Variants in ZBTB16 observed in about 807,000 individuals in gnomAD.
ZBTB16 encodes zinc finger and BTB domain containing 16.
Under a neutral mutation model 56.8 loss-of-function variants are expected in ZBTB16, and 8 were observed. The observed-to-expected ratio is 0.14, with a 90% CI of 0.08 to 0.25. The LOEUF (loss-of-function observed/expected upper bound fraction) is 0.25. ZBTB16 is among the 10% of genes least tolerant of loss of function. The probability of loss-of-function intolerance (pLI) is 1.00; values close to 1 mark genes in which losing one functional copy is unlikely to be tolerated. For synonymous variants in ZBTB16, 363 were observed against 368.5 expected, an observed-to-expected ratio of 0.98 and a Z score of 0.17; for missense variants, 625 against 903.0, an observed-to-expected ratio of 0.69 and a Z score of 3.95.
intron 4 of ZBTB16, among the ~76,000 whole-genome samples, chr11:114,235,800 T>C (rs1944577502): frequency 6.6e-6 from 1 of 151,116 alleles, no homozygotes; most frequent in African/African-American, 2.4e-5. Flanking sequence ...CCTTTTTTTT[T>C]TTTTTGCTAA....
intron 3 of ZBTB16, among the ~76,000 whole-genome samples, chr11:114,182,912 G>A (rs929452412): frequency 1.3e-5 from 2 of 152,124 alleles, no homozygotes; most frequent in Non-Finnish European, 1.5e-5. Flanking sequence ...CTCTATTATC[G>A]ATCAAAGCTT....
chr11:114,215,608 C>T (rs999816284), intron 4 of ZBTB16, among the ~76,000 whole-genome samples: 8 of 152,158 alleles, frequency 5.3e-5, no homozygotes, highest in Non-Finnish European at 7.3e-5. Context: ...GCTTTACAGC[C>T]GCAGCAGCCG....
chr11:114,125,816 G>A (rs889512037), intron 2 of ZBTB16, among the ~76,000 whole-genome samples: 13 of 152,024 alleles, frequency 8.6e-5, no homozygotes, highest in East Asian at 5.8e-4. Context: ...GGTCTTTTAC[G>A]GTCCTACTTG....
At chr11:114,243,022 C>T (rs1157323527) in intron 5 of ZBTB16, among the ~76,000 whole-genome samples, 1 of 152,200 alleles carries the variant, frequency 6.6e-6, no homozygotes, top group Non-Finnish European at 1.5e-5. Context: ...CTGCCACCAG[C>T]CTCTAGGGCT....
intron 4 of ZBTB16, among the ~76,000 whole-genome samples, chr11:114,205,403 C>G (rs1032332498): frequency 3.5e-4 from 52 of 150,022 alleles, no homozygotes; most frequent in African/African-American, 1.3e-3. Context: ...GAGTGAGACT[C>G]CGTCTCAAAA....
chr11:114,223,832 A>G (rs1944283204), intron 4 of ZBTB16, among the ~76,000 whole-genome samples: 1 of 152,192 alleles, frequency 6.6e-6, no homozygotes, highest in Non-Finnish European at 1.5e-5. Context: ...AAGGATGAGA[A>G]GAAGTTAAGA....
chr11:114,089,204 T>C (rs1940085763), intron 2 of ZBTB16, among the ~76,000 whole-genome samples: 2 of 152,146 alleles, frequency 1.3e-5, no homozygotes, highest in Admixed American at 1.3e-4. Context: ...CTATGGATGA[T>C]GTCCTGTGAA....
At chr11:114,241,251 C>T (rs944286421) in intron 4 of ZBTB16, among the ~76,000 whole-genome samples, 1 of 151,132 alleles carries the variant, frequency 6.6e-6, no homozygotes, top group African/African-American at 2.4e-5. Context: ...AAAAACAAAA[C>T]AGGATCTGTA....
chr11:114,065,527 C>T (rs1939082278), intron 2 of ZBTB16, among the ~76,000 whole-genome samples: 1 of 152,190 alleles, frequency 6.6e-6, no homozygotes, highest in African/African-American at 2.4e-5. Flanking sequence ...GGTGATTCTC[C>T]TGCCTCAGCC....
chr11:114,176,712 G>A (rs1215605624), intron 3 of ZBTB16, among the ~76,000 whole-genome samples: 1 of 152,186 alleles, frequency 6.6e-6, no homozygotes, highest in Non-Finnish European at 1.5e-5. Flanking sequence ...CCTTAGAGAT[G>A]TCCCAGTTTA....
rs76042012 is a variant in ZBTB16 at position 114,134,969 on chromosome 11, A to G, written c.1269-21368A>G. On this transcript the variant is annotated intron_variant, in intron 2 of 6. Coordinates refer to ENST00000335953, the MANE Select transcript of ZBTB16 (RefSeq NM_006006.6). ...CCCTAGGATCAGATAAGCCACCAGTATTCACTGAGTCATTCAGACTCCAGA... is the reference window on the plus strand; with the variant it reads ...CCCTAGGATCAGATAAGCCACCAGTGTTCACTGAGTCATTCAGACTCCAGA... 3.2e-3 allele frequency among the ~76,000 whole-genome samples: 480 copies of G among 152,288 alleles called. 2 individuals are homozygous for G. The highest frequency in any genetic ancestry group is 0.011 in the African/African-American group (464 of 41,500).
intron 2 of ZBTB16, among the ~76,000 whole-genome samples, chr11:114,130,821 A>G (rs946995884): frequency 2.6e-5 from 4 of 152,262 alleles, no homozygotes; most frequent in Non-Finnish European, 4.4e-5. Context: ...ATGCGCATGT[A>G]AAGAAAATGA....
At chr11:114,178,373 T>C (rs772499046) in intron 3 of ZBTB16, among the ~76,000 whole-genome samples, 28 of 152,220 alleles carry the variant, frequency 1.8e-4, no homozygotes, top group Admixed American at 6.5e-4. Flanking sequence ...ATAAACACTC[T>C]GAGCCCAGTT....
intron 2 of ZBTB16, among the ~76,000 whole-genome samples, chr11:114,103,270 A>G (rs1318050067): frequency 6.6e-6 from 1 of 152,164 alleles, no homozygotes; most frequent in Non-Finnish European, 1.5e-5. Context: ...GTGACCTGGA[A>G]TTCAGAAGGT....
At chr11:114,139,631 G>GTGTGTGTC (rs1430172347) in intron 2 of ZBTB16, among the ~76,000 whole-genome samples, 9 of 145,494 alleles carry the variant, frequency 6.2e-5, no homozygotes, top group African/African-American at 1.8e-4. Flanking sequence ...GTCCACGTGT[G>GTGTGTGTC]TGTGTGTGTG....
At chr11:114,135,108 AG>A (rs1211881754) in intron 2 of ZBTB16, among the ~76,000 whole-genome samples, 2 of 152,250 alleles carry the variant, frequency 1.3e-5, no homozygotes, top group Non-Finnish European at 2.9e-5. Context: ...AGACAGATAC[AG>A]CTAGTGGATC....
chr11:114,092,716 G>A (rs1370990653), intron 2 of ZBTB16, among the ~76,000 whole-genome samples: 2 of 152,126 alleles, frequency 1.3e-5, no homozygotes, highest in Admixed American at 6.5e-5. Context: ...AATATATAGG[G>A]CCGTCGTAAG....
chr11:114,125,965 C>T (rs537318366), intron 2 of ZBTB16, among the ~76,000 whole-genome samples: 7 of 152,320 alleles, frequency 4.6e-5, no homozygotes, highest in South Asian at 2.1e-4. Flanking sequence ...TCTGGGTTTG[C>T]ACACTCCAAC....
intron 2 of ZBTB16, among the ~76,000 whole-genome samples, chr11:114,077,264 C>T (rs1939605011): frequency 6.6e-6 from 1 of 152,142 alleles, no homozygotes; most frequent in African/African-American, 2.4e-5. Flanking sequence ...TGCTATGTTC[C>T]TCTAAGTGTA....
Sources: gnomAD v4.1 joint callset for allele counts (sites outside exome capture counted in the v4.1 genomes callset) on GRCh38, gnomAD v4.1.1 for gene constraint, MANE v1.5 for transcripts, NCBI Gene and HGNC (gene_info 2026-07-23, HGNC 2026-07-21) for gene names.